The following IL1RAPL2 variants were observed in gnomAD, a reference collection of about 807,000 sequenced individuals.
IL1RAPL2 encodes interleukin 1 receptor accessory protein like 2.
A neutral mutation model predicts 44.1 loss-of-function variants in IL1RAPL2; 3 were observed. The observed-to-expected ratio is 0.07, with a 90% confidence interval of 0.03 to 0.18. IL1RAPL2 has a LOEUF of 0.18. Among genes scored for constraint, IL1RAPL2 ranks in the 10% least tolerant of loss-of-function variants. IL1RAPL2 has a pLI of 1.00. For synonymous variants in IL1RAPL2, 181 were observed against 178.8 expected, an observed-to-expected ratio of 1.01 and a Z score of -0.10; for missense variants, 391 against 496.4, an observed-to-expected ratio of 0.79 and a Z score of 2.02.
chrX:105,714,212 T>A (rs1449950542), intron 6 of IL1RAPL2, among the ~76,000 whole-genome samples: 1 of 111,537 alleles, frequency 9.0e-6, no homozygotes, highest in East Asian at 2.9e-4. Context: ...AACATTCTGG[T>A]CATAACCCCT....
intron 3 of IL1RAPL2, among the ~76,000 whole-genome samples, chrX:105,220,957 A>G (rs782192208): frequency 1.8e-5 from 2 of 112,161 alleles, no homozygotes; most frequent in South Asian, 7.5e-4. Flanking sequence ...TCCCATGCCA[A>G]CGGCTAGTAG....
chrX:105,636,690 A>G (rs1344217263), intron 6 of IL1RAPL2, among the ~76,000 whole-genome samples: 1 of 111,976 alleles, frequency 8.9e-6, no homozygotes, highest in Non-Finnish European at 1.9e-5. Flanking sequence ...AGCCTAGTGG[A>G]TGAGGCAGAG....
At chrX:105,428,119 AACAC>A (rs2035823211) in intron 5 of IL1RAPL2, among the ~76,000 whole-genome samples, 1 of 111,246 alleles carries the variant, frequency 9.0e-6, no homozygotes, top group South Asian at 3.7e-4. Context: ...AAATGAAGAA[AACAC>A]TAATATCTAA....
At chrX:105,347,152 C>T (rs141830345) in intron 5 of IL1RAPL2, among the ~76,000 whole-genome samples, 1 of 112,084 alleles carries the variant, frequency 8.9e-6, no homozygotes, top group Non-Finnish European at 1.9e-5. Flanking sequence ...CTTCCCCATG[C>T]ACCCATACCT....
At chrX:104,900,060 G>A (rs887315715) in intron 2 of IL1RAPL2, among the ~76,000 whole-genome samples, 6 of 111,579 alleles carry the variant, frequency 5.4e-5, no homozygotes, top group African/African-American at 2.0e-4. Flanking sequence ...TTCATTATCT[G>A]TTTTATAAAT....
Position 104,907,875 on chromosome X carries a change from G to A in IL1RAPL2, c.82+248880G>A, listed in dbSNP as rs181013335. ...GGTATCCTTGTTGACTTTCTGTCTCGTTGATCTGTCTAATGTTGACAGTGG... is the reference window on the plus strand; with the variant it reads ...GGTATCCTTGTTGACTTTCTGTCTCATTGATCTGTCTAATGTTGACAGTGG... On this transcript the variant is annotated intron_variant, in intron 2 of 10. Transcript: ENST00000372582. Among the ~76,000 whole-genome samples the A allele has an allele frequency of 4.8e-3, 526 of 109,571 alleles. 2 individuals carry two copies. The highest frequency in any genetic ancestry group is 0.016 in the African/African-American group (481 of 30,109).
At chrX:105,561,970 G>A (rs777410923) in intron 6 of IL1RAPL2, among the ~76,000 whole-genome samples, 1 of 111,445 alleles carries the variant, frequency 9.0e-6, no homozygotes, top group Non-Finnish European at 1.9e-5. Flanking sequence ...GTGAGGAGTA[G>A]CACTTCAGTG....
intron 2 of IL1RAPL2, among the ~76,000 whole-genome samples, chrX:104,925,126 G>T (rs540708991): frequency 9.9e-6 from 1 of 100,985 alleles, no homozygotes; most frequent in African/African-American, 3.6e-5. Flanking sequence ...CTGAAAAAAA[G>T]ACAACCCTCC....
chrX:105,695,051 A>G (rs1299565364), intron 6 of IL1RAPL2, among the ~76,000 whole-genome samples: 2 of 111,660 alleles, frequency 1.8e-5, no homozygotes, highest in Non-Finnish European at 3.8e-5. Context: ...GAGCTATTAT[A>G]TCATGTAGCT....
At chrX:104,886,566 G>C in intron 2 of IL1RAPL2, among the ~76,000 whole-genome samples, 1 of 112,466 alleles carries the variant, frequency 8.9e-6, no homozygotes. Flanking sequence ...GTGGAGACTA[G>C]TGCAAGATCT....
intron 1 of IL1RAPL2, among the ~76,000 whole-genome samples, chrX:104,637,783 T>C: frequency 9.3e-6 from 1 of 107,765 alleles, no homozygotes; most frequent in South Asian, 3.9e-4. Flanking sequence ...TGTGTATGTG[T>C]GTGTGTGTGT....
chrX:105,573,568 C>T (rs56168112), intron 6 of IL1RAPL2, among the ~76,000 whole-genome samples: 6,957 of 110,639 alleles, frequency 0.063, 567 homozygotes, highest in African/African-American at 0.22. Context: ...ATTTTGTGAA[C>T]GGGTGAATGG....
chrX:104,592,524 T>C (rs1383000779), intron 1 of IL1RAPL2, among the ~76,000 whole-genome samples: 1 of 111,315 alleles, frequency 9.0e-6, no homozygotes, highest in Non-Finnish European at 1.9e-5. Flanking sequence ...CCCACATCCA[T>C]ACTTTCACAT....
At chrX:104,892,729 T>C (rs915257642) in intron 2 of IL1RAPL2, among the ~76,000 whole-genome samples, 1 of 111,537 alleles carries the variant, frequency 9.0e-6, no homozygotes, top group Admixed American at 9.5e-5. Flanking sequence ...TTTGTTGATC[T>C]TTTCAAAAAA....
At chrX:104,671,631 T>C (rs2148028277) in intron 2 of IL1RAPL2, among the ~76,000 whole-genome samples, 1 of 111,908 alleles carries the variant, frequency 8.9e-6, no homozygotes, top group East Asian at 2.8e-4. Flanking sequence ...TGGGAGCTTT[T>C]TGAAGGCAAA....
intron 4 of IL1RAPL2, among the ~76,000 whole-genome samples, chrX:105,245,340 G>A (rs2034209670): frequency 9.0e-6 from 1 of 111,551 alleles, no homozygotes; most frequent in Non-Finnish European, 1.9e-5. Context: ...CTATCATTCT[G>A]TGCCTGCACG....
intron 2 of IL1RAPL2, among the ~76,000 whole-genome samples, chrX:105,070,729 ATGTGTGTG>A (rs746238792): frequency 9.5e-6 from 1 of 104,814 alleles, no homozygotes; most frequent in African/African-American, 3.5e-5. Context: ...ATATATATTT[ATGTGTGTG>A]TGTGTGTGTG....
chrX:104,830,384 T>C (rs925359657), intron 2 of IL1RAPL2, among the ~76,000 whole-genome samples: 2 of 111,536 alleles, frequency 1.8e-5, no homozygotes, highest in Non-Finnish European at 3.8e-5. Flanking sequence ...ATCTGTTAAT[T>C]ATTTTGGTGT....
intron 6 of IL1RAPL2, among the ~76,000 whole-genome samples, chrX:105,509,073 G>A (rs2036451675): frequency 9.0e-6 from 1 of 111,629 alleles, no homozygotes; most frequent in South Asian, 3.7e-4. Context: ...AGGCATTGGA[G>A]GTATAGCATT....
Sources: allele counts gnomAD v4.1 joint callset (sites outside exome capture counted in the v4.1 genomes callset), GRCh38; gene constraint gnomAD v4.1.1; transcripts MANE v1.5; gene names NCBI Gene and HGNC (gene_info 2026-07-23, HGNC 2026-07-21).